Variants in UQCRC1 observed in about 807,000 individuals in gnomAD.
UQCRC1 encodes the protein ubiquinol-cytochrome c reductase core protein 1.
A neutral mutation model predicts 58.0 loss-of-function variants in UQCRC1; 34 were observed. That is an observed-to-expected ratio of 0.59 (90% CI 0.45 to 0.78). UQCRC1 has a LOEUF of 0.78. Ranked by LOEUF, UQCRC1 falls within the 30% of genes least tolerant of loss-of-function variation. The probability of loss-of-function intolerance (pLI) is 0.00; values close to 1 mark genes in which losing one functional copy is unlikely to be tolerated. For missense variants in UQCRC1, 610 were observed against 646.0 expected (o/e 0.94, Z 0.60); for synonymous variants, 276 against 248.8 (o/e 1.11, Z -1.03).
rs781483346 is a variant in UQCRC1 at position 48,601,160 on chromosome 3, CA to C, written c.823-43del. 3.8e-6 allele frequency: 6 copies of C among 1,574,426 alleles called. No homozygotes were observed. The Admixed American group carries it at 1.0e-4, about 27-fold the overall frequency. Reference sequence around the variant, plus strand: ...CAAGGCTGAGGAACAGCCAGACTGCCAGGGGAACAGAAAAGGTGGCAGGTGT... The same window carrying C: ...CAAGGCTGAGGAACAGCCAGACTGCCGGGGAACAGAAAAGGTGGCAGGTGT... On this transcript the variant is annotated intron_variant, in intron 7 of 12. Coordinates refer to ENST00000203407, the MANE Select transcript of UQCRC1 (RefSeq NM_003365.3).
In UQCRC1 at chr3:48,604,787, C is replaced by G; in HGVS notation, c.298-7G>C. The G allele has an allele frequency of 1.2e-6, 2 of 1,613,916 alleles. No homozygotes were observed. The highest frequency in any genetic ancestry group is 1.7e-6 in the Non-Finnish European group (2 of 1,179,986). On this transcript the variant is annotated splice_region_variant and splice_polypyrimidine_tract_variant and intron_variant, in intron 3 of 12. Transcript: ENST00000203407. ...CAGGCCGATTCTTTGTTCCCTGGAA[C>G]CAGATATCAACCAGAACAATCAGGA...
chr3:48,609,421 C>T lies in UQCRC1; in HGVS notation c.70-119G>A, dbSNP rs1309175781. On this transcript the variant is annotated intron_variant, in intron 1 of 12. Coordinates refer to ENST00000203407, the MANE Select transcript of UQCRC1 (RefSeq NM_003365.3). ...GCAAGCGGCGAGATACCTTTCCCCGCCCTCCGCCGTGACCTTCCCACGGCC... is the reference window on the plus strand; with the variant it reads ...GCAAGCGGCGAGATACCTTTCCCCGTCCTCCGCCGTGACCTTCCCACGGCC... 5 of 1,510,782 alleles carry T rather than the reference C, an allele frequency of 3.3e-6. No homozygotes were observed. The East Asian group carries it at 7.4e-5, about 22-fold the overall frequency. The allele number at this position is 1,510,782 out of a possible 1,614,324, so 93.6% of individuals were successfully genotyped here. A position where few individuals can be genotyped will look rare whatever the true frequency, so the allele number is the denominator to read the frequency against.
chr3:48,599,174 G>A lies in UQCRC1; in HGVS notation c.1397C>T (p.Pro466Leu), dbSNP rs2046338089. Reference sequence around the variant, plus strand: ...GCCGCTACGGATCCGGTTGTAGTCTGGGAGCTGCTCAATGGGGCCTGTGGG... The same window carrying A: ...GCCGCTACGGATCCGGTTGTAGTCTAGGAGCTGCTCAATGGGGCCTGTGGG... ...VAGYGPIEQL[P>L]DYNRIRSGMF... Residue 466 changes from proline (P) to leucine (L), a missense_variant, in exon 13 of 13, where the codon CCA (proline) becomes CTA (leucine). Pro to Leu is a moderately conservative substitution (Grantham distance 98). Coordinates refer to ENST00000203407, the MANE Select transcript of UQCRC1 (RefSeq NM_003365.3). 6.2e-7 allele frequency: 1 copy of A among 1,609,564 alleles called. No individual in the cohort carries two copies. Among genetic ancestry groups the A allele is most frequent in the Non-Finnish European group, 8.5e-7 (1 of 1,177,276 alleles).
intron 9 of UQCRC1, 24 bp downstream of exon 9, chr3:48,600,656 T>C: frequency 6.2e-7 from 1 of 1,613,990 alleles, no homozygotes; most frequent in East Asian, 2.2e-5. Flanking sequence ...CCATCCCACC[T>C]AGGAATACCA....
At chr3:48,602,109 G>A (rs1298626820) in intron 6 of UQCRC1, among the ~76,000 whole-genome samples, 1 of 150,912 alleles carries the variant, frequency 6.6e-6, no homozygotes, top group East Asian at 1.9e-4. Context: ...GGAGCACAGT[G>A]GTGCAATCTC....
intron 11 of UQCRC1, 91 bp downstream of exon 11, chr3:48,599,972 A>G: frequency 6.7e-7 from 1 of 1,497,438 alleles, no homozygotes; most frequent in Non-Finnish European, 9.2e-7. Flanking sequence ...TGCCTATAGG[A>G]GCAGGCTGCG....
intron 5 of UQCRC1, 95 bp downstream of exon 5, chr3:48,604,138 C>G: frequency 7.2e-7 from 1 of 1,382,172 alleles, no homozygotes; most frequent in Non-Finnish European, 1.0e-6. Context: ...AGGAAAATAA[C>G]CCCGACAGCT....
chr3:48,601,048 C>A lies in UQCRC1; in HGVS notation c.893G>T (p.Ser298Ile). The A allele has an allele frequency of 6.2e-7, 1 of 1,611,372 alleles. No individual in the cohort carries two copies. Among genetic ancestry groups the A allele is most frequent in the Non-Finnish European group, 8.5e-7 (1 of 1,177,758 alleles). ...AIAVEGPGWA[S>I]PDNVALQVAN... The stretch of plus-strand genomic sequence containing the variant: ...CACTTGCAAGGCCACATTGTCCGGG[C>A]TGGCCCAGCCAGGACCCTCTACTGC... Residue 298 changes from serine (S) to isoleucine (I), a missense_variant, in exon 8 of 13, where the codon AGC (serine) becomes ATC (isoleucine). Physicochemically the swap from Ser to Ile is moderately radical, Grantham distance 142. Coordinates refer to ENST00000203407, the MANE Select transcript of UQCRC1 (RefSeq NM_003365.3).
Position 48,609,555 on chromosome 3 carries a change from G to T in UQCRC1, c.66C>A (p.Arg22=). 6.4e-7 allele frequency: 1 copy of T among 1,563,240 alleles called. No individual in the cohort carries two copies. The part of the protein sequence containing the change: ...AGAQVLLRAR[R]SPALLRTPAL... ...CGCGCTCTCGCCACCACCTCACCGA[G>T]CGGCGGGCGCGCAATAGCACTTGTG... The change falls in exon 1 of 13, where the codon CGC becomes CGA. Residue 22 remains arginine, a synonymous_variant. Coordinates refer to ENST00000203407, the MANE Select transcript of UQCRC1 (RefSeq NM_003365.3).
chr3:48,605,861 T>A lies in UQCRC1; in HGVS notation c.211-5A>T, dbSNP rs2046406417. Reference sequence around the variant, plus strand: ...AACATCAATCCACACTCCCACCTGGTCAAGAAGCCACCAGAAAAGGTTACA... The same window carrying A: ...AACATCAATCCACACTCCCACCTGGACAAGAAGCCACCAGAAAAGGTTACA... On this transcript the variant is annotated splice_polypyrimidine_tract_variant and splice_region_variant and intron_variant, in intron 2 of 12. Transcript: ENST00000203407. 1 of 1,613,234 alleles carries A rather than the reference T, an allele frequency of 6.2e-7. No homozygotes were observed. The highest frequency in any genetic ancestry group is 1.3e-5 in the African/African-American group (1 of 74,846).
chr3:48,601,188 G>C, intron 7 of UQCRC1, 70 bp from the exon 8 acceptor site: 1 of 1,557,456 alleles, frequency 6.4e-7, no homozygotes, highest in Non-Finnish European at 8.7e-7. Context: ...GGCAGGTGTG[G>C]GTAGAGGGTG....
intron 2 of UQCRC1, 105 bp downstream of exon 2, chr3:48,609,057 C>G: frequency 6.7e-7 from 1 of 1,494,160 alleles, no homozygotes; most frequent in Non-Finnish European, 9.0e-7. Context: ...GGGTCCGAAC[C>G]CAAACCACAA....
At chr3:48,602,281 G>C (rs1575512663) in intron 6 of UQCRC1, among the ~76,000 whole-genome samples, 1 of 152,104 alleles carries the variant, frequency 6.6e-6, no homozygotes, top group East Asian at 1.9e-4. Context: ...TCGAGCTCCT[G>C]ATCTTGTGAT....
chr3:48,602,743 G>A (rs948583897), intron 6 of UQCRC1, among the ~76,000 whole-genome samples: 5 of 151,206 alleles, frequency 3.3e-5, no homozygotes, highest in East Asian at 2.0e-4. Context: ...GGCTGGTCTC[G>A]AACTCCTTAC....
intron 6 of UQCRC1, among the ~76,000 whole-genome samples, chr3:48,601,962 A>C (rs1671652134): frequency 6.6e-6 from 1 of 151,980 alleles, no homozygotes; most frequent in Non-Finnish European, 1.5e-5. Flanking sequence ...ATTTGCAAAT[A>C]ATGTTACAAA....
intron 5 of UQCRC1, 28 bp downstream of exon 5, chr3:48,604,205 T>C (rs1553620584): frequency 1.9e-6 from 3 of 1,609,372 alleles, no homozygotes; most frequent in East Asian, 2.2e-5. Context: ...GGAGCAAGCA[T>C]CCCCCCACAA....
At position 48,600,785 on chromosome 3, in the gene UQCRC1, A is replaced by G; in HGVS notation, c.1022T>C (p.Phe341Ser). 1 of 1,614,128 alleles carries G rather than the reference A, an allele frequency of 6.2e-7. No homozygotes were observed. Among genetic ancestry groups the G allele is most frequent in the Middle Eastern group, 1.6e-4 (1 of 6,062 alleles). The change falls in exon 9 of 13, where the codon TTC becomes TCC. Residue 341 changes from phenylalanine to serine, a missense_variant. Physicochemically the swap from Phe to Ser is radical, Grantham distance 155. Coordinates refer to ENST00000203407, the MANE Select transcript of UQCRC1 (RefSeq NM_003365.3). The part of the protein sequence containing the change: ...GAVANKLCQS[F>S]QTFSICYAET... Reference sequence around the variant, plus strand: ...TGCATAGCAGATGCTGAAGGTCTGGAAACTCTGGCATAGCTTGTTGGCCAC... The same window carrying G: ...TGCATAGCAGATGCTGAAGGTCTGGGAACTCTGGCATAGCTTGTTGGCCAC...
At chr3:48,601,293 AT>A (rs2046362993) in intron 7 of UQCRC1, 58 bp downstream of exon 7, 8 of 1,592,482 alleles carry the variant, frequency 5.0e-6, no homozygotes, top group Middle Eastern at 1.7e-4. Context: ...AACCATGCAC[AT>A]GGGGGTCCTC....
intron 3 of UQCRC1, among the ~76,000 whole-genome samples, chr3:48,605,100 C>G (rs2046399454): frequency 6.6e-6 from 1 of 152,208 alleles, no homozygotes; most frequent in African/African-American, 2.4e-5. Flanking sequence ...CTCCCCCCTC[C>G]TTATTGACAG....
Sources: allele counts gnomAD v4.1 joint callset (sites outside exome capture counted in the v4.1 genomes callset), GRCh38; gene constraint gnomAD v4.1.1; transcripts MANE v1.5; gene names NCBI Gene and HGNC (gene_info 2026-07-23, HGNC 2026-07-21).